Variants in EML5 observed in about 807,000 individuals in gnomAD.
EML5 encodes the protein EMAP like 5.
In EML5, 120 loss-of-function variants were observed where a neutral mutation model predicts 250.0. That is an observed-to-expected ratio of 0.48 (90% confidence interval 0.41 to 0.56). The LOEUF (loss-of-function observed/expected upper bound fraction) is 0.56, where lower values mean the gene tolerates loss of function less well. Among genes scored for constraint, EML5 ranks in the 20% least tolerant of loss-of-function variants. EML5 has a pLI of 0.00. For synonymous variants in EML5, 771 were observed against 806.5 expected (o/e 0.96, Z 0.75); for missense variants, 2,006 against 2,437.6 (o/e 0.82, Z 3.73).
chr14:88,655,803 G>A (rs964316412), intron 27 of EML5, among the ~76,000 whole-genome samples: 3 of 152,012 alleles, frequency 2.0e-5, no homozygotes, highest in African/African-American at 7.2e-5. Flanking sequence ...CCATCAAAAA[G>A]CTAAGGATAT....
chr14:88,725,593 G>T (rs1473200140), intron 8 of EML5, among the ~76,000 whole-genome samples: 1 of 152,104 alleles, frequency 6.6e-6, no homozygotes, highest in African/African-American at 2.4e-5. Context: ...CCACGTGAAG[G>T]ATTATGAGCT....
At chr14:88,739,075 A>G in intron 5 of EML5, 61 bp from the exon 6 acceptor site, 1 of 1,469,784 alleles carries the variant, frequency 6.8e-7, no homozygotes. Context: ...TACTATATGA[A>G]GGTAGAAACC....
chr14:88,665,143 A>T (rs139324514), intron 22 of EML5, among the ~76,000 whole-genome samples, 194 bp downstream of exon 22: 1 of 152,352 alleles, frequency 6.6e-6, no homozygotes, highest in Non-Finnish European at 1.5e-5. Context: ...CAGAAAATTT[A>T]GTAACAGAAT....
rs1038188971 is a variant in EML5, at chr14:88,616,421, G to T, written c.5797-179C>A. 6.2e-6 allele frequency: 4 copies of T among 645,782 alleles called. No homozygotes were observed. In the Admixed American group the frequency reaches 1.1e-4, roughly 19 times the overall value. The allele number at this position is 645,782 out of a possible 1,614,324, so 40.0% of individuals were successfully genotyped here. A position where few individuals can be genotyped will look rare whatever the true frequency, so the allele number is the denominator to read the frequency against. On this transcript the variant is annotated intron_variant, in intron 42 of 43. Transcript: ENST00000554922. ...GGATCTGCAAAACCAGGCTGTGTGGGCAGTCAGATGTCTCCAGGTACTCTG... is the reference window on the plus strand; with the variant it reads ...GGATCTGCAAAACCAGGCTGTGTGGTCAGTCAGATGTCTCCAGGTACTCTG...
intron 28 of EML5, among the ~76,000 whole-genome samples, chr14:88,649,519 CTT>C (rs1307296867): frequency 6.6e-6 from 1 of 152,194 alleles, no homozygotes; most frequent in Non-Finnish European, 1.5e-5. Flanking sequence ...TAGTTACCCT[CTT>C]TTCATCTTTT....
rs2092065023 is a variant in EML5, at chr14:88,660,742, A to AG, written c.3675+911dup. On this transcript the variant is annotated intron_variant, in intron 25 of 43. Transcript: ENST00000554922. ...TGGCGACAGAGTGAGACTCCATCTC[A>AG]GGGAAAAAAAAAGAAAAAAGAAAAA... is the stretch of plus-strand genomic sequence containing the variant. 2.0e-5 allele frequency among the ~76,000 whole-genome samples: 3 copies of AG among 147,406 alleles called. 1 individual carries two copies. The highest frequency in any genetic ancestry group is 7.8e-5 in the African/African-American group (3 of 38,542).
Position 88,624,988 on chromosome 14 carries a change from G to A in EML5, c.4880C>T (p.Thr1627Ile). ...YTTLRDGLIVTGGKERPSKEG... is the reference protein window; with the variant it reads ...YTTLRDGLIVIGGKERPSKEG... ...GACTCACGGCCTTTCCTTTCCCCCA[G>A]TCACGATAAGTCCATCTCGCAGGGT... The change falls in exon 36 of 44, where the codon ACT (threonine) becomes ATT (isoleucine). Residue 1627 changes from threonine (T) to isoleucine (I), a missense_variant. Around this residue, in one of 7 missense-constraint regions of EML5, gnomAD observed 405 missense variants for 523.3 expected, o/e 0.77. Transcript: ENST00000554922. The A allele has an allele frequency of 6.2e-7, 1 of 1,613,506 alleles. No homozygotes were observed. The highest frequency in any genetic ancestry group is 8.5e-7 in the Non-Finnish European group (1 of 1,179,636).
chr14:88,647,557 C>T lies in EML5; in HGVS notation c.4020-602G>A, dbSNP rs142684354. On this transcript the variant is annotated intron_variant, in intron 28 of 43. Coordinates refer to ENST00000554922, the MANE Select transcript of EML5 (RefSeq NM_183387.3). The stretch of plus-strand genomic sequence containing the variant: ...ATAAAAAACACAACAATTAGCCAGG[C>T]CTGTGGCACCTATAGTCCCAGCTAC... Among the ~76,000 whole-genome samples the T allele has an allele frequency of 3.0e-3, 453 of 151,092 alleles. 3 individuals carry two copies. Among genetic ancestry groups the T allele is most frequent in the Middle Eastern group, 6.8e-3 (2 of 294 alleles).
intron 31 of EML5, 38 bp downstream of exon 31, chr14:88,642,855 A>T (rs1168826081): frequency 6.4e-7 from 1 of 1,556,532 alleles, no homozygotes; most frequent in Non-Finnish European, 8.6e-7. Context: ...TCTAAGTTAA[A>T]AAAATTGATA....
rs1205851253 is a variant in EML5, at chr14:88,714,930, A to G, written c.1444+9T>C. ...TACTACAAATCTATAATTTGCTAGA[A>G]ATTGTTACCTGGCATTCTATAAAAA... On this transcript the variant is annotated intron_variant, in intron 9 of 43. Coordinates refer to ENST00000554922, the MANE Select transcript of EML5 (RefSeq NM_183387.3). 6.2e-7 allele frequency: 1 copy of G among 1,608,264 alleles called. No homozygotes were observed. The highest frequency in any genetic ancestry group is 1.3e-5 in the African/African-American group (1 of 74,596).
intron 31 of EML5, among the ~76,000 whole-genome samples, chr14:88,641,375 T>A (rs1049919814): frequency 4.6e-5 from 7 of 151,916 alleles, no homozygotes; most frequent in Non-Finnish European, 1.0e-4. Flanking sequence ...ATCATTCCCA[T>A]ACAAAACATC....
intron 8 of EML5, among the ~76,000 whole-genome samples, chr14:88,721,567 C>G (rs768406418): frequency 1.3e-5 from 2 of 151,992 alleles, no homozygotes. Flanking sequence ...CAGCTATATG[C>G]GGAAAACTGA....
chr14:88,736,106 T>C (rs1184593401), intron 7 of EML5, among the ~76,000 whole-genome samples: 1 of 151,742 alleles, frequency 6.6e-6, no homozygotes, highest in Non-Finnish European at 1.5e-5. Flanking sequence ...GTTCAAGCGA[T>C]TCTCCTGCCT....
At chr14:88,757,309 A>G (rs781280458) in intron 1 of EML5, among the ~76,000 whole-genome samples, 1 of 152,188 alleles carries the variant, frequency 6.6e-6, no homozygotes, top group Non-Finnish European at 1.5e-5. Context: ...CATACCTCAA[A>G]CCATATACAA....
At chr14:88,772,821 C>A (rs578107927) in intron 1 of EML5, among the ~76,000 whole-genome samples, 11 of 152,192 alleles carry the variant, frequency 7.2e-5, no homozygotes, top group Admixed American at 3.9e-4. Flanking sequence ...CTTTTGTTCA[C>A]TACACTCCAG....
intron 32 of EML5, among the ~76,000 whole-genome samples, chr14:88,637,322 G>A (rs1037881170): frequency 4.6e-5 from 7 of 152,010 alleles, no homozygotes; most frequent in Non-Finnish European, 7.4e-5. Context: ...AAAGAGGAGG[G>A]ATATAATTAA....
At chr14:88,775,757 G>A (rs1421049290) in intron 1 of EML5, among the ~76,000 whole-genome samples, 1 of 152,158 alleles carries the variant, frequency 6.6e-6, no homozygotes, top group Non-Finnish European at 1.5e-5. Flanking sequence ...AGGGCCTTGA[G>A]CAAACATAGG....
At chr14:88,683,358 T>C (rs1385435968) in intron 20 of EML5, among the ~76,000 whole-genome samples, 1 of 152,182 alleles carries the variant, frequency 6.6e-6, no homozygotes, top group Non-Finnish European at 1.5e-5. Context: ...GTTTAGCCTG[T>C]GGCACAATTT....
At chr14:88,678,258 G>A (rs1333512732) in intron 21 of EML5, among the ~76,000 whole-genome samples, 1 of 152,054 alleles carries the variant, frequency 6.6e-6, no homozygotes, top group Admixed American at 6.6e-5. Flanking sequence ...AAGGATACAG[G>A]GAGAGGAACA....
Sources: allele counts gnomAD v4.1 joint callset (sites outside exome capture counted in the v4.1 genomes callset), GRCh38; gene constraint gnomAD v4.1.1; regional missense constraint gnomAD v4.1.1; transcripts MANE v1.5; gene names NCBI Gene and HGNC (gene_info 2026-07-23, HGNC 2026-07-21).